INTS1: variants seen among roughly 807,000 people sequenced by gnomAD.
INTS1 encodes the protein integrator complex subunit 1.
A neutral mutation model predicts 241.6 loss-of-function variants in INTS1; 137 were observed. That is an observed-to-expected ratio of 0.57 (90% CI 0.49 to 0.65). INTS1 has a LOEUF of 0.65. Among genes scored for constraint, INTS1 ranks in the 30% least tolerant of loss-of-function variants. The probability of loss-of-function intolerance (pLI) is 0.00; values close to 1 mark genes in which losing one functional copy is unlikely to be tolerated. For synonymous variants in INTS1, 1,692 were observed against 1,337.8 expected, an observed-to-expected ratio of 1.26 and a Z score of -5.78; for missense variants, 3,073 against 3,032.2, an observed-to-expected ratio of 1.01 and a Z score of -0.32.
intron 18 of INTS1, among the ~76,000 whole-genome samples, 155 bp downstream of exon 18, chr7:1,489,189 G>A (rs1022033609): frequency 2.0e-5 from 3 of 151,704 alleles, no homozygotes; most frequent in Admixed American, 2.0e-4. Flanking sequence ...AAGTGCAGCA[G>A]GCTTAGATCC....
Position 1,493,851 on chromosome 7 carries a change from C to A in INTS1, c.1971G>T (p.Leu657=). 3.8e-6 allele frequency: 6 copies of A among 1,568,422 alleles called. No individual in the cohort carries two copies. Among genetic ancestry groups the A allele is most frequent in the Admixed American group, 1.9e-5 (1 of 53,006 alleles). The part of the protein sequence containing the change: ...PILEDTLMRI[L]VIGLSRELPL... ...GGAGCTCCCGGGACAGCCCGATGAC[C>A]AGGATGCGCATCAGCGTGTCCTCCA... Residue 657 remains leucine, a synonymous_variant, in exon 15 of 48, where the codon CTG becomes CTT. Transcript: ENST00000404767. This position sits in a 1 kb window ranked among gnomAD's most constrained non-coding sequence, Gnocchi z 5.3.
At chr7:1,483,303 C>G in intron 26 of INTS1, 1 of 294,234 alleles carries the variant, frequency 3.4e-6, no homozygotes, top group Non-Finnish European at 6.7e-6. Flanking sequence ...GCGCTGGGTT[C>G]CAGACACTGC....
intron 27 of INTS1, chr7:1,482,263 C>G (rs2128536504): frequency 9.2e-6 from 3 of 325,278 alleles, no homozygotes; most frequent in Admixed American, 9.7e-5. Context: ...AACCCCAGAC[C>G]ACTTTCTCTT....
In INTS1 at chr7:1,480,301, G is replaced by A. The variant is rs371653296; in HGVS notation, c.4074+16C>T. 128 of 1,593,796 alleles carry A rather than the reference G, an allele frequency of 8.0e-5. No individual in the cohort carries two copies. The highest frequency in any genetic ancestry group is 6.8e-4 in the Middle Eastern group (3 of 4,430). On this transcript the variant is annotated intron_variant, in intron 30 of 47. Transcript: ENST00000404767. ...AGGGGCTGCAGGTGGAGACCCACAT[G>A]CAGCAGCAACGCTACCTGGAGGAAC...
At chr7:1,485,793 T>C (rs569884901) in intron 22 of INTS1, among the ~76,000 whole-genome samples, 23 of 152,366 alleles carry the variant, frequency 1.5e-4, no homozygotes, top group African/African-American at 5.3e-4. Flanking sequence ...CAGAGTGCAC[T>C]GAACACTCAT....
rs1782345249 is a variant in INTS1, at chr7:1,487,808, G to T, written c.2468C>A (p.Thr823Asn). The T allele has an allele frequency of 1.2e-6, 2 of 1,612,384 alleles. No individual in the cohort carries two copies. Among genetic ancestry groups the T allele is most frequent in the Non-Finnish European group, 1.7e-6 (2 of 1,179,830 alleles). The change falls in exon 19 of 48, where the codon ACT (threonine) becomes AAT (asparagine). Residue 823 changes from threonine (T) to asparagine (N), a missense_variant. Thr to Asn is a moderately conservative substitution (Grantham distance 65). Transcript: ENST00000404767. Reference protein sequence around the residue: ...LAAASTKQTITESSSLLLSQL... With the variant: ...LAAASTKQTINESSSLLLSQL... ...CGACAGGAGGAGGCTGCTGCTCTCA[G>T]TGATGGTCTGCTTGGTGGACGCGGC...
Position 1,477,574 on chromosome 7 carries a change from G to A in INTS1, c.4914C>T (p.Leu1638=). Residue 1638 remains leucine (L), a synonymous_variant, in exon 35 of 48, where the codon CTC becomes CTT. Coordinates refer to ENST00000404767, the MANE Select transcript of INTS1 (RefSeq NM_001080453.3). ...EVVSSCPDLQ[L]RLLFSRRKGK... ...CCTTCCTCCGGGAGAAGAGCAGCCT[G>A]AGCTGCAGGTCGGGGCAGCTGCTGA... 1 of 1,545,054 alleles carries A rather than the reference G, an allele frequency of 6.5e-7. No individual in the cohort carries two copies. Among genetic ancestry groups the A allele is most frequent in the South Asian group, 1.2e-5 (1 of 81,854 alleles).
At chr7:1,490,031 A>C (rs1451702462) in intron 16 of INTS1, among the ~76,000 whole-genome samples, 1 of 152,208 alleles carries the variant, frequency 6.6e-6, no homozygotes, top group African/African-American at 2.4e-5. Context: ...TATTGTAACG[A>C]TACAATTAAA....
In INTS1 at chr7:1,474,238, G is replaced by A. The variant is rs377362241; in HGVS notation, c.5759C>T (p.Pro1920Leu). 65 of 1,603,232 alleles carry A rather than the reference G, an allele frequency of 4.1e-5. No individual in the cohort carries two copies. Among genetic ancestry groups the A allele is most frequent in the Non-Finnish European group, 4.9e-5 (58 of 1,176,694 alleles). ...HVLGLLELLQ[P>L]HVFRSEHQGA... Reference sequence around the variant, plus strand: ...CTGGTGCTCGCTGCGGAACACGTGCGGCTGCAGCAGCTCCAGCAGGCCCAG... The same window carrying A: ...CTGGTGCTCGCTGCGGAACACGTGCAGCTGCAGCAGCTCCAGCAGGCCCAG... The change falls in exon 41 of 48, where the codon CCG becomes CTG. Residue 1920 changes from proline (P) to leucine (L), a missense_variant. Pro to Leu is a moderately conservative substitution (Grantham distance 98, BLOSUM62 -3). Coordinates refer to ENST00000404767, the MANE Select transcript of INTS1 (RefSeq NM_001080453.3).
chr7:1,480,892 C>G lies in INTS1; in HGVS notation c.3892G>C (p.Ala1298Pro). The G allele has an allele frequency of 6.4e-7, 1 of 1,560,888 alleles. No homozygotes were observed. Among genetic ancestry groups the G allele is most frequent in the Non-Finnish European group, 8.7e-7 (1 of 1,153,554 alleles). The part of the protein sequence containing the change: ...HLVEVQHERG[A>P]SGGQTFHSLL... ...GAGTGGAAAGTCTGGCCTCCGGAGG[C>G]GCCGCGCTCATGCTGGACCTCCACC... Residue 1298 changes from alanine (A) to proline (P), a missense_variant, in exon 29 of 48, where the codon GCC (alanine) becomes CCC (proline). Transcript: ENST00000404767.
chr7:1,493,979 C>A lies in INTS1; in HGVS notation c.1911-68G>T. 1 of 1,494,272 alleles carries A rather than the reference C, an allele frequency of 6.7e-7. No individual in the cohort carries two copies. Among genetic ancestry groups the A allele is most frequent in the South Asian group, 1.3e-5 (1 of 76,912 alleles). The allele number at this position is 1,494,272 out of a possible 1,614,324, so 92.6% of individuals were successfully genotyped here. A position where few individuals can be genotyped will look rare whatever the true frequency, so the allele number is the denominator to read the frequency against. Reference sequence around the variant, plus strand: ...CCTGCCAGACCTGAGGGGCCGAGGACAGGCCAGCTTCTCCCTCAGAGCCCA... The same window carrying A: ...CCTGCCAGACCTGAGGGGCCGAGGAAAGGCCAGCTTCTCCCTCAGAGCCCA... On this transcript the variant is annotated intron_variant, in intron 14 of 47. Transcript: ENST00000404767. The surrounding 1 kb of genome is among the most constrained non-coding windows in gnomAD (Gnocchi z 5.3).
At chr7:1,498,257 T>C in intron 10 of INTS1, 155 bp downstream of exon 10, 2 of 1,173,408 alleles carry the variant, frequency 1.7e-6, no homozygotes, top group Non-Finnish European at 2.4e-6. Flanking sequence ...CTCAACCTCA[T>C]GCCCACGTGA....
In INTS1 at chr7:1,493,905, G is replaced by A. The variant is rs1394623072; in HGVS notation, c.1917C>T (p.Phe639=). 6.4e-7 allele frequency: 1 copy of A among 1,560,758 alleles called. No homozygotes were observed. The highest frequency in any genetic ancestry group is 8.7e-7 in the Non-Finnish European group (1 of 1,152,852). Residue 639 remains phenylalanine, a synonymous_variant, in exon 15 of 48, where the codon TTC becomes TTT. Coordinates refer to ENST00000404767, the MANE Select transcript of INTS1 (RefSeq NM_001080453.3). The surrounding 1 kb of genome is among the most constrained non-coding windows in gnomAD (Gnocchi z 5.3). Reference sequence around the variant, plus strand: ...TGGGCACCTCGGAGCACAGACGCAGGAAGAAGCTGCGGGGTGGGGGAGGCA... The same window carrying A: ...TGGGCACCTCGGAGCACAGACGCAGAAAGAAGCTGCGGGGTGGGGGAGGCA... ...NWPPESDRNF[F]LRLCSEVPIL...
intron 26 of INTS1, chr7:1,482,969 C>T: frequency 2.0e-6 from 1 of 496,662 alleles, no homozygotes; most frequent in Non-Finnish European, 3.6e-6. Flanking sequence ...GTGCGTGTCC[C>T]CATCCAGCCC....
Position 1,504,305 on chromosome 7 carries a change from A to G in INTS1, c.-42+18T>C, listed in dbSNP as rs1265775673. The G allele has an allele frequency of 3.7e-6, 2 of 536,432 alleles. No homozygotes were observed. The highest frequency in any genetic ancestry group is 4.0e-5 in the African/African-American group (2 of 49,820). 33.2% of individuals were successfully genotyped at this position (536,432 alleles called of 1,614,324 possible). A position where few individuals can be genotyped will look rare whatever the true frequency, so the allele number is the denominator to read the frequency against. ...CTCGCCCGGCAATGAGGAAGCGCCC[A>G]GGCCGCGGCTCACTTACCTCTGGCC... On this transcript the variant is annotated intron_variant, in intron 1 of 47. Transcript: ENST00000404767.
At position 1,478,395 on chromosome 7, in the gene INTS1, C is replaced by T. The variant is rs751866867; in HGVS notation, c.4601G>A (p.Cys1534Tyr). 15 of 1,612,624 alleles carry T rather than the reference C, an allele frequency of 9.3e-6. No individual in the cohort carries two copies. The African/African-American group carries it at 1.7e-4, about 19-fold the overall frequency. The change falls in exon 33 of 48, where the codon TGC becomes TAC. Residue 1534 changes from cysteine to tyrosine, a missense_variant. Cys to Tyr is a radical substitution (Grantham distance 194). Coordinates refer to ENST00000404767, the MANE Select transcript of INTS1 (RefSeq NM_001080453.3). Reference sequence around the variant, plus strand: ...GCTGATCAGGTCCGGCTCCACGCTGCACTGCTCCCCAGACCTCAGGGTGGC... The same window carrying T: ...GCTGATCAGGTCCGGCTCCACGCTGTACTGCTCCCCAGACCTCAGGGTGGC... The part of the protein sequence containing the change: ...VIATLRSGEQ[C>Y]SVEPDLISKV...
chr7:1,502,632 G>A (rs1011452808), intron 3 of INTS1, among the ~76,000 whole-genome samples: 1 of 152,150 alleles, frequency 6.6e-6, no homozygotes, highest in Non-Finnish European at 1.5e-5. Flanking sequence ...TCACAAAGGG[G>A]GCGTCCAACA....
rs1224274301 is a variant in INTS1, at chr7:1,476,911, C to A, written c.4946G>T (p.Gly1649Val). 1 of 1,610,874 alleles carries A rather than the reference C, an allele frequency of 6.2e-7. No individual in the cohort carries two copies. The highest frequency in any genetic ancestry group is 8.5e-7 in the Non-Finnish European group (1 of 1,179,400). Reference protein sequence around the residue: ...RLLFSRRKGKGQAQVPSFRPY... With the variant: ...RLLFSRRKGKVQAQVPSFRPY... ...ACGGAACGAGGGCACCTGGGCCTGA[C>A]CTTTGCCCTGGGGAGGGAGGAAGAA... Residue 1649 changes from glycine to valine, a missense_variant, in exon 36 of 48, where the codon GGT becomes GTT. By Grantham distance (109) the Gly-to-Val change is moderately radical (BLOSUM62 -3). Transcript: ENST00000404767.
At chr7:1,478,056 C>T in intron 33 of INTS1, 120 bp from the exon 34 acceptor site, 2 of 859,898 alleles carry the variant, frequency 2.3e-6, no homozygotes, top group South Asian at 3.1e-5. Flanking sequence ...AGAGCAGAGT[C>T]CAGCCGGAGC....
Sources: allele counts gnomAD v4.1 joint callset (sites outside exome capture counted in the v4.1 genomes callset), GRCh38; gene constraint gnomAD v4.1.1; non-coding constraint Gnocchi (gnomAD v3.1); transcripts MANE v1.5; gene names NCBI Gene and HGNC (gene_info 2026-07-23, HGNC 2026-07-21).